Variants in UBE2E3 observed in about 807,000 individuals in gnomAD.
UBE2E3 encodes the protein ubiquitin-conjugating enzyme E2 E3.
UBE2E3 carries 5 observed loss-of-function variants against 23.6 expected under a neutral mutation model. The ratio of observed to expected loss-of-function variants is 0.21; its 90% CI spans 0.11 to 0.44. UBE2E3 has a LOEUF of 0.44. Ranked by LOEUF, UBE2E3 falls within the 20% of genes least tolerant of loss-of-function variation. The pLI is 0.99. For missense variants in UBE2E3, 81 were observed against 249.8 expected (o/e 0.32, Z 4.55); for synonymous variants, 78 against 87.5 (o/e 0.89, Z 0.60).
chr2:180,985,694 C>G (rs1315381223), intron 3 of UBE2E3, among the ~76,000 whole-genome samples: 1 of 152,090 alleles, frequency 6.6e-6, no homozygotes, highest in Non-Finnish European at 1.5e-5. Context: ...AATCACTTAA[C>G]TTGCAGAGTG....
At chr2:181,057,912 T>A in intron 4 of UBE2E3, 87 bp downstream of exon 4, 1 of 1,338,598 alleles carries the variant, frequency 7.5e-7, no homozygotes, top group Non-Finnish European at 1.0e-6. Flanking sequence ...ATTGATGCAG[T>A]TATTTTGATT....
chr2:181,002,715 C>A (rs1375109853), intron 3 of UBE2E3, among the ~76,000 whole-genome samples: 1 of 152,132 alleles, frequency 6.6e-6, no homozygotes, highest in Non-Finnish European at 1.5e-5. Context: ...AAAATATACA[C>A]CACCTTTTAA....
At chr2:181,042,337 CTT>C (rs979605324) in intron 3 of UBE2E3, among the ~76,000 whole-genome samples, 1 of 152,146 alleles carries the variant, frequency 6.6e-6, no homozygotes, top group African/African-American at 2.4e-5. Flanking sequence ...AGTTTTCTGA[CTT>C]TAAGTGGCTG....
chr2:181,015,736 A>G (rs1685465971), intron 3 of UBE2E3, among the ~76,000 whole-genome samples: 1 of 152,200 alleles, frequency 6.6e-6, no homozygotes, highest in Admixed American at 6.5e-5. Flanking sequence ...TCAAAGGTGA[A>G]TGGTAAGAGA....
rs755518052 is a variant in UBE2E3, at chr2:180,989,691, T to C, written c.245+5598T>C. On this transcript the variant is annotated intron_variant, in intron 3 of 5. Transcript: ENST00000410062. ...CTAAACTTCACATTTTTATTAAGGA[T>C]CTATTAAGTTCAATGCAGATAATGT... 1.2e-4 allele frequency among the ~76,000 whole-genome samples: 19 copies of C among 152,128 alleles called. 1 individual carries two copies. Among genetic ancestry groups the C allele is most frequent in the South Asian group, 8.3e-4 (4 of 4,826 alleles).
Position 181,007,903 on chromosome 2 carries a change from A to T in UBE2E3, c.245+23810A>T, listed in dbSNP as rs75613320. 8.5e-3 allele frequency among the ~76,000 whole-genome samples: 1,290 copies of T among 152,364 alleles called. 21 individuals are homozygous for T. Among genetic ancestry groups the T allele is most frequent in the African/African-American group, 0.029 (1,225 of 41,584 alleles). On this transcript the variant is annotated intron_variant, in intron 3 of 5. Coordinates refer to ENST00000410062, the MANE Select transcript of UBE2E3 (RefSeq NM_006357.4). ...TTTAAATGTATAAATAGCCACAGCT[A>T]ACATTTAATGAAGTCTTGAACCCTT...
chr2:181,033,674 A>G (rs1256195340), intron 3 of UBE2E3, among the ~76,000 whole-genome samples: 1 of 152,220 alleles, frequency 6.6e-6, no homozygotes, highest in African/African-American at 2.4e-5. Flanking sequence ...GCCAAAATAG[A>G]CAAATGGGAT....
intron 3 of UBE2E3, among the ~76,000 whole-genome samples, chr2:181,041,750 G>T (rs1206018532): frequency 6.6e-6 from 1 of 152,100 alleles, no homozygotes; most frequent in Non-Finnish European, 1.5e-5. Context: ...CAAAAACTGT[G>T]GTAAGCTCTT....
At chr2:180,993,603 C>G (rs1436354072) in intron 3 of UBE2E3, among the ~76,000 whole-genome samples, 1 of 152,158 alleles carries the variant, frequency 6.6e-6, no homozygotes, top group East Asian at 1.9e-4. Flanking sequence ...CCTTTACATC[C>G]ATGCGTCTCA....
chr2:181,045,691 G>A (rs1420925527), intron 3 of UBE2E3, among the ~76,000 whole-genome samples: 1 of 152,102 alleles, frequency 6.6e-6, no homozygotes, highest in Non-Finnish European at 1.5e-5. Context: ...TGGCAGCCAA[G>A]GTTGGGACCC....
intron 3 of UBE2E3, among the ~76,000 whole-genome samples, chr2:181,019,364 T>A (rs1685603054): frequency 6.6e-6 from 1 of 152,222 alleles, no homozygotes; most frequent in African/African-American, 2.4e-5. Flanking sequence ...TGCCCATAAA[T>A]GTCACTCAGA....
intron 3 of UBE2E3, among the ~76,000 whole-genome samples, chr2:181,024,131 A>G (rs925874762): frequency 2.6e-5 from 4 of 152,104 alleles, no homozygotes; most frequent in African/African-American, 7.2e-5. Flanking sequence ...GAGTGAGCCA[A>G]AAGTTCATAT....
intron 3 of UBE2E3, among the ~76,000 whole-genome samples, chr2:180,998,598 A>G (rs1218551463): frequency 6.6e-6 from 1 of 152,126 alleles, no homozygotes; most frequent in Non-Finnish European, 1.5e-5. Context: ...TACCTATGTC[A>G]TCATGCAAAA....
intron 3 of UBE2E3, among the ~76,000 whole-genome samples, chr2:181,040,371 T>C (rs1686449655): frequency 2.0e-5 from 3 of 152,220 alleles, no homozygotes; most frequent in Non-Finnish European, 1.5e-5. Context: ...ATTTATTTCT[T>C]TTATCCCTAC....
At chr2:181,020,520 G>A (rs541188723) in intron 3 of UBE2E3, among the ~76,000 whole-genome samples, 1 of 152,240 alleles carries the variant, frequency 6.6e-6, no homozygotes, top group Non-Finnish European at 1.5e-5. Flanking sequence ...TTGATTAAAA[G>A]ATTTTGATCC....
chr2:180,996,849 A>G (rs1432431332), intron 3 of UBE2E3, among the ~76,000 whole-genome samples: 1 of 152,190 alleles, frequency 6.6e-6, no homozygotes, highest in Non-Finnish European at 1.5e-5. Context: ...TTTTTACTGC[A>G]TATGTAATTG....
At chr2:181,028,084 A>G (rs997097833) in intron 3 of UBE2E3, among the ~76,000 whole-genome samples, 3 of 152,060 alleles carry the variant, frequency 2.0e-5, no homozygotes, top group Non-Finnish European at 4.4e-5. Context: ...TCTTATAAAA[A>G]TAATGGTTTC....
intron 3 of UBE2E3, among the ~76,000 whole-genome samples, chr2:181,024,951 A>G (rs953424235): frequency 3.9e-5 from 6 of 152,128 alleles, no homozygotes; most frequent in South Asian, 2.1e-4. Flanking sequence ...ATAAAAGTAG[A>G]ACAGTTGCAA....
At chr2:181,021,570 T>TCCTTCCTCCCTCCCTCCCTTCCTC (rs1685685207) in intron 3 of UBE2E3, among the ~76,000 whole-genome samples, 1 of 76,224 alleles carries the variant, frequency 1.3e-5, no homozygotes, top group Non-Finnish European at 2.5e-5. Flanking sequence ...CTTCCTTCCT[T>TCCTTCCTCCCTCCCTCCCTTCCTC]CCTCCCTCCC....
Sources: allele counts gnomAD v4.1 joint callset (sites outside exome capture counted in the v4.1 genomes callset), GRCh38; gene constraint gnomAD v4.1.1; transcripts MANE v1.5; gene names NCBI Gene and HGNC (gene_info 2026-07-23, HGNC 2026-07-21).